ARMH3: variants seen among roughly 807,000 people sequenced by gnomAD.
ARMH3 encodes the protein armadillo-like helical domain-containing protein 3.
In ARMH3, 60 loss-of-function variants were observed where a neutral mutation model predicts 99.1. That is an observed-to-expected ratio of 0.61 (90% CI 0.49 to 0.75). The LOEUF is 0.75. Ranked by LOEUF, ARMH3 falls within the 30% of genes least tolerant of loss-of-function variation. The pLI, the probability that ARMH3 is intolerant of heterozygous loss-of-function variation, is 0.00. For missense variants in ARMH3, 679 were observed against 843.1 expected (o/e 0.81, Z 2.41); for synonymous variants, 285 against 292.8 (o/e 0.97, Z 0.27).
chr10:101,987,327 C>T (rs890080063), intron 19 of ARMH3, among the ~76,000 whole-genome samples: 2 of 152,164 alleles, frequency 1.3e-5, no homozygotes, highest in Non-Finnish European at 2.9e-5. Flanking sequence ...CCTGACTCCT[C>T]CACACAGAAA....
At chr10:101,924,587 C>G (rs1040344740) in intron 23 of ARMH3, among the ~76,000 whole-genome samples, 1 of 151,732 alleles carries the variant, frequency 6.6e-6, no homozygotes, top group Non-Finnish European at 1.5e-5. Context: ...AATCTCCTGA[C>G]CTCGTGATCT....
At chr10:101,936,633 G>A (rs927954129) in intron 23 of ARMH3, among the ~76,000 whole-genome samples, 2 of 150,760 alleles carry the variant, frequency 1.3e-5, no homozygotes, top group Non-Finnish European at 2.9e-5. Flanking sequence ...ATTATCATAT[G>A]ACACAGCAAT....
At chr10:101,930,733 T>G (rs1056123924) in intron 23 of ARMH3, among the ~76,000 whole-genome samples, 2 of 152,190 alleles carry the variant, frequency 1.3e-5, no homozygotes, top group African/African-American at 4.8e-5. Context: ...TGGTCCCTAC[T>G]AAGCCCAGAT....
chr10:102,025,332 A>ACCC, intron 5 of ARMH3, 84 bp from the exon 6 acceptor site: 2 of 1,055,026 alleles, frequency 1.9e-6, no homozygotes, highest in Non-Finnish European at 2.9e-6. Context: ...ATACAGGGTA[A>ACCC]TGTGAATAAC....
At position 101,849,801 on chromosome 10, in the gene ARMH3, T is replaced by C; in HGVS notation, c.1952A>G (p.Lys651Arg). The change falls in exon 25 of 26, where the codon AAG becomes AGG. Residue 651 changes from lysine to arginine, a missense_variant. Physicochemically the swap from Lys to Arg is conservative, Grantham distance 26. This residue lies in a region of ARMH3 where 389 missense variants were observed against 456.5 expected (regional missense o/e 0.85). Transcript: ENST00000370033. ...CAGCTCTTTGAAGAAGGCAGCTTCC[T>C]TGTGCTGCTCTGAGTAGCGCTCATA... is the stretch of plus-strand genomic sequence containing the variant. Reference protein sequence around the residue: ...DQYERYSEQHKEAAFFKELVR... With the variant: ...DQYERYSEQHREAAFFKELVR... The C allele has an allele frequency of 1.9e-6, 3 of 1,614,188 alleles. No homozygotes were observed. The highest frequency in any genetic ancestry group is 2.5e-6 in the Non-Finnish European group (3 of 1,180,020).
At chr10:101,884,988 A>G (rs757587653) in intron 24 of ARMH3, among the ~76,000 whole-genome samples, 86 of 152,240 alleles carry the variant, frequency 5.6e-4, no homozygotes, top group Non-Finnish European at 1.1e-3. Flanking sequence ...TCCCCAATTA[A>G]GAAATGTGCA....
intron 22 of ARMH3, among the ~76,000 whole-genome samples, chr10:101,944,394 C>G (rs1367985554): frequency 5.4e-5 from 8 of 149,142 alleles, no homozygotes; most frequent in Non-Finnish European, 1.2e-4. Flanking sequence ...AACATTTCCA[C>G]ATTTGATGAA....
At chr10:102,008,492 C>T (rs1038505818) in intron 13 of ARMH3, among the ~76,000 whole-genome samples, 1 of 151,984 alleles carries the variant, frequency 6.6e-6, no homozygotes, top group Non-Finnish European at 1.5e-5. Flanking sequence ...ACCCATCGCT[C>T]AGTATTCTGG....
At chr10:101,925,622 T>C (rs1046262043) in intron 23 of ARMH3, among the ~76,000 whole-genome samples, 14 of 152,166 alleles carry the variant, frequency 9.2e-5, no homozygotes, top group Non-Finnish European at 1.6e-4. Context: ...TTTAAAAGAA[T>C]GAACGGGCTG....
intron 23 of ARMH3, among the ~76,000 whole-genome samples, chr10:101,907,599 G>T (rs1220259049): frequency 6.6e-6 from 1 of 152,024 alleles, no homozygotes; most frequent in East Asian, 1.9e-4. Flanking sequence ...AGCCAGGCTG[G>T]TCTCGAACTC....
chr10:101,985,072 T>TAC (rs1374733874), intron 19 of ARMH3, among the ~76,000 whole-genome samples: 8 of 134,868 alleles, frequency 5.9e-5, no homozygotes, highest in African/African-American at 5.9e-5. Flanking sequence ...CATCTAAAAA[T>TAC]ATATATACAC....
intron 24 of ARMH3, among the ~76,000 whole-genome samples, chr10:101,855,912 G>C (rs1054955102): frequency 6.6e-6 from 1 of 151,854 alleles, no homozygotes; most frequent in Non-Finnish European, 1.5e-5. Flanking sequence ...ATAAAACTGG[G>C]ATTATATACC....
chr10:101,866,492 A>AG (rs2067006781), intron 24 of ARMH3, among the ~76,000 whole-genome samples: 1 of 151,362 alleles, frequency 6.6e-6, no homozygotes, highest in Admixed American at 6.6e-5. Flanking sequence ...TAAAAAAAAA[A>AG]AAAAAAGAAA....
chr10:101,939,761 G>C (rs970656796), intron 23 of ARMH3, 102 bp downstream of exon 23: 4 of 969,734 alleles, frequency 4.1e-6, no homozygotes, highest in Non-Finnish European at 1.6e-6. Context: ...CAGACATCAA[G>C]GCTTAAAATA....
At chr10:102,019,236 A>G (rs1001501956) in intron 8 of ARMH3, among the ~76,000 whole-genome samples, 5 of 151,970 alleles carry the variant, frequency 3.3e-5, no homozygotes, top group South Asian at 2.1e-4. Flanking sequence ...TTTAGTAGAG[A>G]TCGGGTTTTG....
At position 101,847,599 on chromosome 10, in the gene ARMH3, C is replaced by A. The variant is rs778404752; in HGVS notation, c.1999G>T (p.Val667Phe). 1.2e-6 allele frequency: 2 copies of A among 1,614,086 alleles called. No individual in the cohort carries two copies. The change falls in exon 26 of 26, where the codon GTC becomes TTC. Residue 667 changes from valine (V) to phenylalanine (F), a missense_variant. By Grantham distance (50) the Val-to-Phe change is conservative. Around this residue, in one of 3 missense-constraint regions of ARMH3, gnomAD observed 389 missense variants for 456.5 expected, o/e 0.85. Coordinates refer to ENST00000370033, the MANE Select transcript of ARMH3 (RefSeq NM_024541.3). Reference sequence around the variant, plus strand: ...GTGTGGAAGGCCAGGTTTCTCCGGACGTTGGTGCTAATGGATCGAACCTGG... The same window carrying A: ...GTGTGGAAGGCCAGGTTTCTCCGGAAGTTGGTGCTAATGGATCGAACCTGG... ...KELVRSISTN[V>F]RRNLAFHTLS...
In ARMH3 at chr10:101,954,109, T is replaced by C. The variant is rs570652370; in HGVS notation, c.1705+2488A>G. On this transcript the variant is annotated intron_variant, in intron 22 of 25. Coordinates refer to ENST00000370033, the MANE Select transcript of ARMH3 (RefSeq NM_024541.3). ...TTGGAGGCTAAAGTGGGAGGATTGC[T>C]TGAGCTCAGGAGGTAAAAGCTCCAG... 5.3e-5 allele frequency among the ~76,000 whole-genome samples: 8 copies of C among 152,298 alleles called. No individual in the cohort carries two copies. In the East Asian group the frequency reaches 1.5e-3, roughly 29 times the overall value.
intron 20 of ARMH3, among the ~76,000 whole-genome samples, chr10:101,967,051 AC>A (rs1845573163): frequency 6.6e-6 from 1 of 152,242 alleles, no homozygotes; most frequent in African/African-American, 2.4e-5. Flanking sequence ...AGCAGCTTTT[AC>A]ATGCTATGAA....
intron 23 of ARMH3, among the ~76,000 whole-genome samples, chr10:101,904,468 G>A (rs184127662): frequency 1.3e-5 from 2 of 152,054 alleles, no homozygotes; most frequent in African/African-American, 4.8e-5. Flanking sequence ...GATAAAAATA[G>A]CACTAATTAC....
Sources: allele counts gnomAD v4.1 joint callset (sites outside exome capture counted in the v4.1 genomes callset), GRCh38; gene constraint gnomAD v4.1.1; regional missense constraint gnomAD v4.1.1; transcripts MANE v1.5; gene names NCBI Gene and HGNC (gene_info 2026-07-23, HGNC 2026-07-21).